The following NRP2 variants were observed in gnomAD, a reference collection of about 807,000 sequenced individuals.
NRP2 encodes the protein neuropilin 2.
A neutral mutation model predicts 110.4 loss-of-function variants in NRP2; 52 were observed. That is an observed-to-expected ratio of 0.47 (90% CI 0.38 to 0.59). The LOEUF is 0.59. Ranked by LOEUF, NRP2 falls within the 20% of genes least tolerant of loss-of-function variation. The pLI is 0.00. For missense variants in NRP2, 1,049 were observed against 1,203.0 expected, an observed-to-expected ratio of 0.87 and a Z score of 1.89; for synonymous variants, 508 against 468.9, an observed-to-expected ratio of 1.08 and a Z score of -1.08.
chr2:205,744,034 G>A lies in NRP2; in HGVS notation c.1641+482G>A, dbSNP rs569201397. Among the ~76,000 whole-genome samples, 7 of 152,270 alleles carry A rather than the reference G, an allele frequency of 4.6e-5. No individual in the cohort carries two copies. The South Asian group carries it at 6.2e-4, about 14-fold the overall frequency. Reference sequence around the variant, plus strand: ...GCTGGGATTATAGGCATGAACCACCGCGCCCGGCCTGGACTCTTTTTTAAT... The same window carrying A: ...GCTGGGATTATAGGCATGAACCACCACGCCCGGCCTGGACTCTTTTTTAAT... On this transcript the variant is annotated intron_variant, in intron 9 of 16. Transcript: ENST00000357785.
chr2:205,744,528 C>T (rs2057502721), intron 9 of NRP2, among the ~76,000 whole-genome samples: 1 of 152,218 alleles, frequency 6.6e-6, no homozygotes, highest in Non-Finnish European at 1.5e-5. Context: ...GAAGGTCAGC[C>T]TTCAACACAG....
rs548203124 is a variant in NRP2, at chr2:205,751,726, G to A, written c.1904-1109G>A. 5.9e-5 allele frequency among the ~76,000 whole-genome samples: 9 copies of A among 152,254 alleles called. No homozygotes were observed. In the South Asian group the frequency reaches 1.7e-3, roughly 28 times the overall value. On this transcript the variant is annotated intron_variant, in intron 11 of 16. Transcript: ENST00000357785. ...GTGAGTAATTTGTTTCTACCAGTCC[G>A]TGGCTCCCTTTAGACTTCCTAACCT... is the stretch of plus-strand genomic sequence containing the variant.
rs1318357803 is a variant in NRP2, at chr2:205,798,025, A to G, written c.*2967A>G. The G allele has an allele frequency of 1.3e-5, 2 of 152,564 alleles. No individual in the cohort carries two copies. The highest frequency in any genetic ancestry group is 2.9e-5 in the Non-Finnish European group (2 of 68,026). The allele number at this position is 152,564 out of a possible 1,614,324, so 9.5% of individuals were successfully genotyped here. A position where few individuals can be genotyped will look rare whatever the true frequency, so the allele number is the denominator to read the frequency against. The stretch of plus-strand genomic sequence containing the variant: ...AGATCACGGGAACTTGAGAGCTTTT[A>G]CTGTGATTCTTCAATGTAAAAAATA... On this transcript the variant is annotated 3_prime_UTR_variant, in exon 17 of 17. Transcript: ENST00000357785.
At chr2:205,689,831 T>C (rs944551801) in intron 1 of NRP2, among the ~76,000 whole-genome samples, 3 of 152,202 alleles carry the variant, frequency 2.0e-5, no homozygotes, top group Admixed American at 6.5e-5. Context: ...TGTAATAACT[T>C]CTACTCTGGC....
intron 4 of NRP2, among the ~76,000 whole-genome samples, chr2:205,723,343 G>T (rs1013462485): frequency 6.6e-6 from 1 of 152,154 alleles, no homozygotes; most frequent in Non-Finnish European, 1.5e-5. Flanking sequence ...TAATATAAAG[G>T]AGACTTGATG....
intron 7 of NRP2, among the ~76,000 whole-genome samples, chr2:205,736,930 A>G (rs1243853723): frequency 6.6e-6 from 1 of 152,244 alleles, no homozygotes; most frequent in African/African-American, 2.4e-5. Flanking sequence ...TGTATAATAT[A>G]TGATAGCATT....
chr2:205,748,473 G>A (rs912430017), intron 10 of NRP2, among the ~76,000 whole-genome samples: 9 of 152,286 alleles, frequency 5.9e-5, no homozygotes, highest in South Asian at 2.1e-4. Flanking sequence ...AGGACACTTC[G>A]AGGTTATTTG....
intron 2 of NRP2, among the ~76,000 whole-genome samples, chr2:205,707,897 A>G (rs1020065661): frequency 1.3e-5 from 2 of 152,092 alleles, no homozygotes; most frequent in African/African-American, 2.4e-5. Context: ...CCCTTCAGTG[A>G]CCACCCATGC....
intron 9 of NRP2, 46 bp downstream of exon 9, chr2:205,743,598 G>A (rs1173883095): frequency 5.6e-6 from 9 of 1,604,410 alleles, no homozygotes; most frequent in Non-Finnish European, 7.7e-6. Context: ...TCAACAGGGA[G>A]GCTAAGTGTG....
At chr2:205,697,433 G>T in intron 1 of NRP2, 111 bp from the exon 2 acceptor site, 1 of 1,017,666 alleles carries the variant, frequency 9.8e-7, no homozygotes, top group Admixed American at 1.7e-5. Flanking sequence ...GCCATAAAAG[G>T]TCTGTAAAAT....
In NRP2 at chr2:205,722,618, C is replaced by T; in HGVS notation, c.574C>T (p.Leu192=). The change falls in exon 4 of 17, where the codon CTG becomes TTG. Residue 192 remains leucine (L), a synonymous_variant. Transcript: ENST00000357785. ...CAAGATGGAGATCATCCTGCAGTTC[C>T]TGATCTTTGACCTGGAGCATGACCC... ...KPKMEIILQF[L]IFDLEHDPLQ... 6.2e-7 allele frequency: 1 copy of T among 1,614,250 alleles called. No individual in the cohort carries two copies. Among genetic ancestry groups the T allele is most frequent in the Non-Finnish European group, 8.5e-7 (1 of 1,180,044 alleles).
At chr2:205,765,682 G>A (rs1300382597) in intron 14 of NRP2, 112 bp downstream of exon 14, 1 of 894,726 alleles carries the variant, frequency 1.1e-6, no homozygotes, top group Non-Finnish European at 1.9e-6. Context: ...CAGTGGGTGG[G>A]GCAGCCACAG....
chr2:205,766,858 C>G, intron 15 of NRP2, 55 bp downstream of exon 15: 1 of 1,536,536 alleles, frequency 6.5e-7, no homozygotes, highest in South Asian at 1.1e-5. Context: ...TTTCCTTCCC[C>G]CATGTGATGT....
intron 9 of NRP2, among the ~76,000 whole-genome samples, chr2:205,744,198 G>A (rs534143120): frequency 6.6e-6 from 1 of 152,236 alleles, no homozygotes; most frequent in Admixed American, 6.5e-5. Flanking sequence ...TGACTCCAAA[G>A]TCCAGATGCC....
chr2:205,765,415 T>A, intron 13 of NRP2, 59 bp from the exon 14 acceptor site: 1 of 1,438,836 alleles, frequency 7.0e-7, no homozygotes, highest in Non-Finnish European at 9.8e-7. Flanking sequence ...TTGGAAATCC[T>A]TGCACCGTTT....
chr2:205,769,153 G>T (rs1287313088), intron 15 of NRP2, among the ~76,000 whole-genome samples: 3 of 152,142 alleles, frequency 2.0e-5, no homozygotes, highest in African/African-American at 7.2e-5. Context: ...TCAAAAAATG[G>T]AAACAGAGAA....
At position 205,725,016 on chromosome 2, in the gene NRP2, G is replaced by A. The variant is rs1460452024; in HGVS notation, c.821-897G>A. Among the ~76,000 whole-genome samples, 3 of 152,190 alleles carry A rather than the reference G, an allele frequency of 2.0e-5. No individual in the cohort carries two copies. The highest frequency in any genetic ancestry group is 4.4e-5 in the Non-Finnish European group (3 of 68,040). ...AGCACTTTTAAGAAAGATTCAAGCT[G>A]TGGAAATCCTACCCTGATTGCAGAC... On this transcript the variant is annotated intron_variant, in intron 5 of 16. Transcript: ENST00000357785. This position sits in a 1 kb window ranked among gnomAD's most constrained non-coding sequence, Gnocchi z 4.1.
intron 15 of NRP2, among the ~76,000 whole-genome samples, chr2:205,769,672 C>G (rs1358033713): frequency 6.6e-6 from 1 of 152,034 alleles, no homozygotes; most frequent in African/African-American, 2.4e-5. Flanking sequence ...TAAAAAGACC[C>G]TTTTTTGTGG....
intron 15 of NRP2, among the ~76,000 whole-genome samples, chr2:205,781,513 C>T (rs534798763): frequency 6.6e-6 from 1 of 152,340 alleles, no homozygotes; most frequent in South Asian, 2.1e-4. Flanking sequence ...TTTCCTTGCC[C>T]CTCTTCACGG....
Sources: allele counts gnomAD v4.1 joint callset (sites outside exome capture counted in the v4.1 genomes callset), GRCh38; gene constraint gnomAD v4.1.1; non-coding constraint Gnocchi (gnomAD v3.1); transcripts MANE v1.5; gene names NCBI Gene and HGNC (gene_info 2026-07-23, HGNC 2026-07-21).